UBR2: variants seen among roughly 807,000 people sequenced by gnomAD.
UBR2 encodes the protein E3 ubiquitin-protein ligase UBR2.
Under a neutral mutation model 247.9 loss-of-function variants are expected in UBR2, and 92 were observed. The observed-to-expected ratio is 0.37, with a 90% confidence interval of 0.31 to 0.44. The LOEUF (loss-of-function observed/expected upper bound fraction) is 0.44, where lower values mean the gene tolerates loss of function less well. UBR2 is among the 20% of genes least tolerant of loss of function. The pLI, the probability that UBR2 is intolerant of heterozygous loss-of-function variation, is 1.00. For synonymous variants in UBR2, 672 were observed against 693.5 expected (o/e 0.97, Z 0.49); for missense variants, 1,613 against 2,112.6 (o/e 0.76, Z 4.64).
In UBR2 at chr6:42,667,704, A is replaced by ATTTTT. The variant is rs528646455; in HGVS notation, c.3881+1470_3881+1474dup. Among the ~76,000 whole-genome samples, 2 of 70,380 alleles carry ATTTTT rather than the reference A, an allele frequency of 2.8e-5. 1 individual carries two copies. Among genetic ancestry groups the ATTTTT allele is most frequent in the African/African-American group, 1.3e-4 (2 of 15,784 alleles). 46.2% of individuals were successfully genotyped at this position (70,380 alleles called of 152,430 possible). ...TTTTTCATGTACTTGTTTTCTATGTATTTTTTTTTTTTTTTCTGAATGGTG... is the reference window on the plus strand; with the variant it reads ...TTTTTCATGTACTTGTTTTCTATGTATTTTTTTTTTTTTTTTTTTTCTGAATGGTG... On this transcript the variant is annotated intron_variant, in intron 34 of 46. Coordinates refer to ENST00000372901, the MANE Select transcript of UBR2 (RefSeq NM_001363705.2).
chr6:42,637,175 A>C lies in UBR2; in HGVS notation c.1839A>C (p.Pro613=). The part of the protein sequence containing the change: ...VSQEKVSIHL[P]VSRLLAGLHV... ...AAGAAAAAGTTAGCATTCACCTCCC[A>C]GTTTCTCGCTTACTTGCAGGTAAAG... is the stretch of plus-strand genomic sequence containing the variant. The change falls in exon 15 of 47, where the codon CCA becomes CCC. Residue 613 remains proline (P), a synonymous_variant. Coordinates refer to ENST00000372901, the MANE Select transcript of UBR2 (RefSeq NM_001363705.2). 1 of 1,611,888 alleles carries C rather than the reference A, an allele frequency of 6.2e-7. No individual in the cohort carries two copies. The highest frequency in any genetic ancestry group is 8.5e-7 in the Non-Finnish European group (1 of 1,178,798).
chr6:42,661,638 C>CT, intron 30 of UBR2, among the ~76,000 whole-genome samples: 1 of 152,212 alleles, frequency 6.6e-6, no homozygotes, highest in Non-Finnish European at 1.5e-5. Flanking sequence ...TCTGAATTAC[C>CT]TTTTTTCCCC....
At chr6:42,582,614 ATGT>A (rs1288555038) in intron 2 of UBR2, among the ~76,000 whole-genome samples, 2 of 152,088 alleles carry the variant, frequency 1.3e-5, no homozygotes, top group African/African-American at 4.8e-5. Flanking sequence ...CCAATAGGTG[ATGT>A]TGTCAGACTT....
At chr6:42,579,217 G>A (rs1351661077) in intron 2 of UBR2, among the ~76,000 whole-genome samples, 1 of 152,160 alleles carries the variant, frequency 6.6e-6, no homozygotes, top group Non-Finnish European at 1.5e-5. Context: ...AAGGGGAAAG[G>A]GAAGCAGGCA....
rs763940684 is a variant in UBR2, at chr6:42,676,861, A to G, written c.4466A>G (p.Gln1489Arg). Residue 1489 changes from glutamine to arginine, a missense_variant, in exon 40 of 47, where the codon CAG becomes CGG. Transcript: ENST00000372901. ...AVLALYKTLH[Q>R]YTGSALKEIP... ...CTTGCTTTGTATAAAACACTTCACC[A>G]GTATACGGGAAGGTGAGTTAGTTAT... is the stretch of plus-strand genomic sequence containing the variant. 6.2e-7 allele frequency: 1 copy of G among 1,613,558 alleles called. No homozygotes were observed. Among genetic ancestry groups the G allele is most frequent in the South Asian group, 1.1e-5 (1 of 91,070 alleles).
At chr6:42,574,118 A>T in intron 2 of UBR2, 125 bp downstream of exon 2, 6 of 910,820 alleles carry the variant, frequency 6.6e-6, no homozygotes, top group Non-Finnish European at 7.6e-6. Context: ...TCTGTATTAC[A>T]AATACATGCT....
intron 2 of UBR2, among the ~76,000 whole-genome samples, chr6:42,586,584 CTG>C (rs1047131966): frequency 1.9e-5 from 2 of 106,894 alleles, no homozygotes; most frequent in Non-Finnish European, 3.6e-5. Flanking sequence ...ATTTTCCTAA[CTG>C]TGTGCTGCCT....
At chr6:42,589,023 C>T (rs1792484226) in intron 2 of UBR2, among the ~76,000 whole-genome samples, 1 of 152,042 alleles carries the variant, frequency 6.6e-6, no homozygotes, top group Non-Finnish European at 1.5e-5. Context: ...TAGAGTTATC[C>T]AGGCTGGAGT....
chr6:42,615,114 G>A lies in UBR2; in HGVS notation c.1029G>A (p.Gly343=), dbSNP rs746003692. The A allele has an allele frequency of 5.0e-6, 8 of 1,613,504 alleles. No homozygotes were observed. Among genetic ancestry groups the A allele is most frequent in the East Asian group, 2.2e-5 (1 of 44,838 alleles). The change falls in exon 9 of 47, where the codon GGG becomes GGA. Residue 343 remains glycine (G), a synonymous_variant. Coordinates refer to ENST00000372901, the MANE Select transcript of UBR2 (RefSeq NM_001363705.2). ...RILCQVGLQE[G]PDGENSSLVD... Reference sequence around the variant, plus strand: ...TATGTCAAGTTGGTTTACAAGAAGGGCCAGATGGTGAAAACTCTTCTCTAG... The same window carrying A: ...TATGTCAAGTTGGTTTACAAGAAGGACCAGATGGTGAAAACTCTTCTCTAG...
intron 21 of UBR2, among the ~76,000 whole-genome samples, chr6:42,647,894 T>A (rs1165181770): frequency 6.6e-6 from 1 of 152,230 alleles, no homozygotes; most frequent in Non-Finnish European, 1.5e-5. Flanking sequence ...ATCTATTTTA[T>A]GTATTTAAAA....
At chr6:42,609,262 G>A (rs189256334) in intron 7 of UBR2, among the ~76,000 whole-genome samples, 1 of 152,152 alleles carries the variant, frequency 6.6e-6, no homozygotes, top group African/African-American at 2.4e-5. Context: ...AGTGTGTTCA[G>A]TACAGTACTG....
rs113890097 is a variant in UBR2, at chr6:42,637,100, A to G, written c.1764A>G (p.Thr588=). ...ATACTGATGGTGAACAGCCAATCAC[A>G]CTAAGCATTTGTGGACATTCAGTGG... ...GGYTDGEQPI[T]LSICGHSVET... Residue 588 remains threonine (T), a synonymous_variant, in exon 15 of 47, where the codon ACA becomes ACG. Transcript: ENST00000372901. 4 of 1,614,076 alleles carry G rather than the reference A, an allele frequency of 2.5e-6. No individual in the cohort carries two copies. In the East Asian group the frequency reaches 8.9e-5, roughly 36 times the overall value.
intron 7 of UBR2, among the ~76,000 whole-genome samples, chr6:42,608,675 TG>T (rs1156947782): frequency 1.3e-5 from 2 of 152,198 alleles, no homozygotes; most frequent in African/African-American, 4.8e-5. Flanking sequence ...ATCTGATGTG[TG>T]TGAAATGGTA....
intron 42 of UBR2, among the ~76,000 whole-genome samples, chr6:42,681,162 CAAA>C (rs59312824): frequency 0.031 from 1,551 of 50,546 alleles, 21 homozygotes; most frequent in African/African-American, 0.087. Context: ...GACTCCGTCT[CAAA>C]AAAAAAAAAA....
Position 42,606,673 on chromosome 6 carries a change from T to C in UBR2, c.864+22T>C, listed in dbSNP as rs746770196. 1.2e-5 allele frequency: 18 copies of C among 1,563,512 alleles called. No homozygotes were observed. The East Asian group carries it at 3.4e-4, about 30-fold the overall frequency. On this transcript the variant is annotated intron_variant, in intron 7 of 46. Transcript: ENST00000372901. ...TGTGGTAAGTAATTTAAAAACATGC[T>C]TATATTATTTTTTATTAGTTTAAAA...
chr6:42,574,967 G>A (rs1161171131), intron 2 of UBR2, among the ~76,000 whole-genome samples: 1 of 151,990 alleles, frequency 6.6e-6, no homozygotes, highest in Non-Finnish European at 1.5e-5. Flanking sequence ...CCAAAGTGCT[G>A]GATTACAGGC....
chr6:42,652,755 C>T, intron 25 of UBR2, 110 bp downstream of exon 25: 1 of 1,038,652 alleles, frequency 9.6e-7, no homozygotes, highest in Non-Finnish European at 1.4e-6. Flanking sequence ...ATTGTGTTTT[C>T]CTAACTTGAA....
intron 1 of UBR2, among the ~76,000 whole-genome samples, chr6:42,566,905 A>C (rs1164629350): frequency 6.6e-6 from 1 of 152,146 alleles, no homozygotes; most frequent in Admixed American, 6.6e-5. Flanking sequence ...ATCTTGCCTT[A>C]CTTTGTGAGG....
rs1271382510 is a variant in UBR2, at chr6:42,665,416, A to G, written c.3706A>G (p.Asn1236Asp). 2 of 1,610,982 alleles carry G rather than the reference A, an allele frequency of 1.2e-6. No individual in the cohort carries two copies. Among genetic ancestry groups the G allele is most frequent in the African/African-American group, 1.3e-5 (1 of 74,944 alleles). ...CTCTATAATCTTTTCTAGCAGGTTAAATTTTTCAGACCAACCAAATCTGAC... is the reference window on the plus strand; with the variant it reads ...CTCTATAATCTTTTCTAGCAGGTTAGATTTTTCAGACCAACCAAATCTGAC... ...PPRNIFNNRLNFSDQPNLTQW... is the reference protein window; with the variant it reads ...PPRNIFNNRLDFSDQPNLTQW... Residue 1236 changes from asparagine to aspartate, a missense_variant, in exon 33 of 47, where the codon AAT becomes GAT. By Grantham distance (23) the Asn-to-Asp change is conservative. Coordinates refer to ENST00000372901, the MANE Select transcript of UBR2 (RefSeq NM_001363705.2).
Sources: gnomAD v4.1 joint callset for allele counts (sites outside exome capture counted in the v4.1 genomes callset) on GRCh38, gnomAD v4.1.1 for gene constraint, MANE v1.5 for transcripts, NCBI Gene and HGNC (gene_info 2026-07-23, HGNC 2026-07-21) for gene names.